The following PIK3R4 variants were observed in gnomAD, a reference collection of about 807,000 sequenced individuals.
PIK3R4 encodes the protein phosphoinositide 3-kinase regulatory subunit 4.
PIK3R4 carries 46 observed loss-of-function variants against 136.5 expected under a neutral mutation model. The observed-to-expected ratio is 0.34, with a 90% confidence interval of 0.27 to 0.43. PIK3R4 has a LOEUF of 0.43. PIK3R4 is among the 20% of genes least tolerant of loss of function. The pLI, the probability that PIK3R4 is intolerant of heterozygous loss-of-function variation, is 1.00. For missense variants in PIK3R4, 1,331 were observed against 1,649.5 expected (o/e 0.81, Z 3.35); for synonymous variants, 557 against 566.7 (o/e 0.98, Z 0.24).
intron 13 of PIK3R4, among the ~76,000 whole-genome samples, chr3:130,699,094 C>G (rs143366722): frequency 1.1e-4 from 17 of 152,300 alleles, no homozygotes; most frequent in African/African-American, 3.9e-4. Context: ...GTGCACAACT[C>G]TACACATACA....
intron 19 of PIK3R4, among the ~76,000 whole-genome samples, chr3:130,679,790 T>C (rs1405912141): frequency 6.6e-6 from 1 of 152,070 alleles, no homozygotes; most frequent in Non-Finnish European, 1.5e-5. Context: ...AATTAAAAGA[T>C]GTATAGGCCA....
chr3:130,743,015 A>G (rs1435158301), intron 2 of PIK3R4, among the ~76,000 whole-genome samples: 1 of 152,196 alleles, frequency 6.6e-6, no homozygotes, highest in Non-Finnish European at 1.5e-5. Context: ...AAAGCTTCAG[A>G]ATCACTTCTG....
chr3:130,701,026 C>T (rs1463305090), intron 13 of PIK3R4, among the ~76,000 whole-genome samples: 1 of 152,068 alleles, frequency 6.6e-6, no homozygotes, highest in Non-Finnish European at 1.5e-5. Flanking sequence ...AAATGTGATA[C>T]CAAAATACCA....
chr3:130,695,472 A>G (rs2066540942), intron 13 of PIK3R4, among the ~76,000 whole-genome samples: 1 of 152,168 alleles, frequency 6.6e-6, no homozygotes, highest in South Asian at 2.1e-4. Flanking sequence ...CACCATTCTG[A>G]GTAGTGTGAT....
intron 13 of PIK3R4, among the ~76,000 whole-genome samples, chr3:130,702,014 G>A (rs548878133): frequency 3.3e-5 from 5 of 151,946 alleles, no homozygotes; most frequent in South Asian, 2.1e-4. Flanking sequence ...GGTGGCATGC[G>A]CCTGTAGTCC....
At chr3:130,745,287 A>G in intron 1 of PIK3R4, 23 bp from the exon 2 acceptor site, 1 of 1,435,112 alleles carries the variant, frequency 7.0e-7, no homozygotes, top group East Asian at 2.3e-5. Context: ...AAAACAAATG[A>G]AGAAAAAAGA....
chr3:130,703,984 C>T (rs993938004), intron 12 of PIK3R4, 96 bp from the exon 13 acceptor site: 1 of 792,580 alleles, frequency 1.3e-6, no homozygotes, highest in Non-Finnish European at 2.1e-6. Context: ...AGCTTGAAAA[C>T]AATCATAAGA....
chr3:130,725,695 T>C (rs1305627415), intron 6 of PIK3R4, among the ~76,000 whole-genome samples: 3 of 151,892 alleles, frequency 2.0e-5, no homozygotes, highest in Non-Finnish European at 2.9e-5. Flanking sequence ...GAGCTTAAAA[T>C]TGATTTAAAA....
At position 130,745,242 on chromosome 3, in the gene PIK3R4, T is replaced by C; in HGVS notation, c.-24A>G. ...ATAATGGCAAGCACCTCTGTGGTCT[T>C]TAGTAAGGTTAGGATATAATACCTG... On this transcript the variant is annotated 5_prime_UTR_variant, in exon 2 of 20. Coordinates refer to ENST00000356763, the MANE Select transcript of PIK3R4 (RefSeq NM_014602.3). 3 of 1,562,790 alleles carry C rather than the reference T, an allele frequency of 1.9e-6. No homozygotes were observed. Among genetic ancestry groups the C allele is most frequent in the Non-Finnish European group, 1.7e-6 (2 of 1,164,738 alleles).
At chr3:130,696,050 C>A (rs1449794791) in intron 13 of PIK3R4, among the ~76,000 whole-genome samples, 1 of 152,124 alleles carries the variant, frequency 6.6e-6, no homozygotes, top group Non-Finnish European at 1.5e-5. Flanking sequence ...CCTAGGTTAT[C>A]TAATTTGCTG....
chr3:130,718,147 T>C (rs533831615), intron 8 of PIK3R4, among the ~76,000 whole-genome samples: 1 of 152,256 alleles, frequency 6.6e-6, no homozygotes, highest in African/African-American at 2.4e-5. Context: ...CAAAAGAAAA[T>C]ATATGAACTA....
At chr3:130,716,262 T>C (rs1043677482) in intron 9 of PIK3R4, 134 bp downstream of exon 9, 1 of 675,184 alleles carries the variant, frequency 1.5e-6, no homozygotes, top group Admixed American at 2.8e-5. Flanking sequence ...ATGCCTAAGA[T>C]GTTTGCCAGA....
At chr3:130,703,698 T>G in intron 13 of PIK3R4, 25 bp downstream of exon 13, 1 of 1,544,750 alleles carries the variant, frequency 6.5e-7, no homozygotes, top group African/African-American at 1.4e-5. Flanking sequence ...ATTAATGAAC[T>G]GATTCATTCC....
In PIK3R4 at chr3:130,679,398, T is replaced by G. The variant is rs1406518620; in HGVS notation, c.3994A>C (p.Ile1332Leu). The G allele has an allele frequency of 6.2e-7, 1 of 1,611,530 alleles. No homozygotes were observed. The highest frequency in any genetic ancestry group is 1.3e-5 in the African/African-American group (1 of 74,888). The change falls in exon 20 of 20, where the codon ATC becomes CTC. Residue 1332 changes from isoleucine (I) to leucine (L), a missense_variant. Ile to Leu is a conservative substitution (Grantham distance 5). Coordinates refer to ENST00000356763, the MANE Select transcript of PIK3R4 (RefSeq NM_014602.3). The part of the protein sequence containing the change: ...ESLPVGHHDI[I>L]TDVATFQTTQ... ...GTCTGGAATGTGGCGACATCAGTGA[T>G]GATGTCATGATGTCCCACGGGCAGG...
intron 5 of PIK3R4, among the ~76,000 whole-genome samples, chr3:130,729,219 CT>C (rs2066749486): frequency 6.6e-6 from 1 of 152,166 alleles, no homozygotes; most frequent in Non-Finnish European, 1.5e-5. Flanking sequence ...CTTTTTCTCA[CT>C]TATTTATTTA....
intron 9 of PIK3R4, among the ~76,000 whole-genome samples, chr3:130,712,988 C>T (rs2107611071): frequency 6.6e-6 from 1 of 152,332 alleles, no homozygotes; most frequent in Non-Finnish European, 1.5e-5. Context: ...AACTCTGAAA[C>T]TTACTGCACT....
At chr3:130,732,038 C>T (rs1220848137) in intron 4 of PIK3R4, among the ~76,000 whole-genome samples, 2 of 152,154 alleles carry the variant, frequency 1.3e-5, no homozygotes, top group Admixed American at 1.3e-4. Flanking sequence ...ATCACGGACT[C>T]TCACCATAAA....
In PIK3R4 at chr3:130,709,414, T is replaced by C. The variant is rs148721568; in HGVS notation, c.2332-922A>G. Among the ~76,000 whole-genome samples the C allele has an allele frequency of 4.2e-3, 635 of 151,976 alleles. 3 individuals carry two copies. The highest frequency in any genetic ancestry group is 7.2e-3 in the Non-Finnish European group (486 of 67,902). ...GCCTCAATCTAGAATCCCACTAGAG[T>C]TTAGAGTCATATTCACAATTCTCAG... On this transcript the variant is annotated intron_variant, in intron 9 of 19. Transcript: ENST00000356763.
Position 130,701,164 on chromosome 3 carries a change from A to G in PIK3R4, c.3098+2559T>C, listed in dbSNP as rs1470466027. On this transcript the variant is annotated intron_variant, in intron 13 of 19. Coordinates refer to ENST00000356763, the MANE Select transcript of PIK3R4 (RefSeq NM_014602.3). ...GACAATGAATCCAACTGATAATAAC[A>G]AAGAACCACTTGGAAAACAATTATC... Among the ~76,000 whole-genome samples the G allele has an allele frequency of 2.0e-5, 3 of 152,226 alleles. No homozygotes were observed. The East Asian group carries it at 5.8e-4, about 29-fold the overall frequency.
Sources: gnomAD v4.1 joint callset for allele counts (sites outside exome capture counted in the v4.1 genomes callset) on GRCh38, gnomAD v4.1.1 for gene constraint, MANE v1.5 for transcripts, NCBI Gene and HGNC (gene_info 2026-07-23, HGNC 2026-07-21) for gene names.